The following PRKCQ variants were observed in gnomAD, a reference collection of about 807,000 sequenced individuals.
The protein encoded by PRKCQ is protein kinase C theta type.
PRKCQ carries 41 observed loss-of-function variants against 91.2 expected under a neutral mutation model. The ratio of observed to expected loss-of-function variants is 0.45; its 90% CI spans 0.35 to 0.58. PRKCQ has a LOEUF of 0.58. Among genes scored for constraint, PRKCQ ranks in the 20% least tolerant of loss-of-function variants. The pLI is 0.00. For synonymous variants in PRKCQ, 307 were observed against 316.9 expected (o/e 0.97, Z 0.33); for missense variants, 673 against 896.5 (o/e 0.75, Z 3.18).
At chr10:6,419,851 G>A in the PRKCQ span, among the ~76,000 whole-genome samples, 18 of 151,956 alleles carry the variant, frequency 1.2e-4, no homozygotes, top group African/African-American at 4.4e-4. Flanking sequence ...ACCATGCCTA[G>A]CTAATTTTTG....
At chr10:6,414,892 G>C in the PRKCQ span, among the ~76,000 whole-genome samples, 14 of 151,990 alleles carry the variant, frequency 9.2e-5, no homozygotes, top group African/African-American at 3.4e-4. Flanking sequence ...AGGAGGAGGA[G>C]ACAGAAAATA....
downstream of PRKCQ, among the ~76,000 whole-genome samples, chr10:6,423,672 C>T (rs970322873): frequency 1.3e-5 from 2 of 152,174 alleles, no homozygotes; most frequent in African/African-American, 2.4e-5. Flanking sequence ...GGTGGCAGGA[C>T]GACCCTGTGT....
At chr10:6,546,013 A>G (rs1457606097) in intron 1 of PRKCQ, among the ~76,000 whole-genome samples, 2 of 151,940 alleles carry the variant, frequency 1.3e-5, no homozygotes, top group African/African-American at 4.8e-5. Context: ...CAGGAAAACG[A>G]GAAAAAAAAA....
At chr10:6,438,483 C>A (rs185647326) in intron 16 of PRKCQ, among the ~76,000 whole-genome samples, 95 of 152,344 alleles carry the variant, frequency 6.2e-4, no homozygotes, top group African/African-American at 2.2e-3. Context: ...AAAATTATTT[C>A]TCTAAATGAT....
At chr10:6,412,367 A>C in the PRKCQ span, among the ~76,000 whole-genome samples, 1 of 152,266 alleles carries the variant, frequency 6.6e-6, no homozygotes, top group Non-Finnish European at 1.5e-5. Context: ...GAATTCCAAT[A>C]AAAATATCAA....
chr10:6,473,359 C>T (rs902509809), intron 12 of PRKCQ, among the ~76,000 whole-genome samples: 8 of 152,166 alleles, frequency 5.3e-5, no homozygotes, highest in African/African-American at 1.9e-4. Context: ...TAGATTCTGG[C>T]CTTTTTGATT....
At chr10:6,467,777 TGAGA>T (rs1835766856) in intron 12 of PRKCQ, among the ~76,000 whole-genome samples, 1 of 152,098 alleles carries the variant, frequency 6.6e-6, no homozygotes, top group Non-Finnish European at 1.5e-5. Context: ...TCCATGAAAA[TGAGA>T]GAGTCACCAT....
chr10:6,535,109 C>G (rs1839531821), intron 1 of PRKCQ, among the ~76,000 whole-genome samples: 1 of 152,142 alleles, frequency 6.6e-6, no homozygotes, highest in African/African-American at 2.4e-5. Context: ...AGTAACCTGG[C>G]TCACTTCTGC....
At chr10:6,547,303 C>G (rs1839999800) in intron 1 of PRKCQ, among the ~76,000 whole-genome samples, 4 of 151,986 alleles carry the variant, frequency 2.6e-5, no homozygotes, top group South Asian at 2.1e-4. Context: ...AATGGCCATA[C>G]TGCCCAAGGT....
the PRKCQ span, among the ~76,000 whole-genome samples, chr10:6,398,813 G>C: frequency 1.3e-5 from 2 of 151,924 alleles, no homozygotes; most frequent in Non-Finnish European, 2.9e-5. Context: ...GAGTGCAGTG[G>C]CGCAATTACA....
chr10:6,549,820 A>G (rs1840112520), intron 1 of PRKCQ, among the ~76,000 whole-genome samples: 1 of 151,548 alleles, frequency 6.6e-6, no homozygotes. Flanking sequence ...TAGTAGAGAC[A>G]GCGCTCTCCC....
intron 1 of PRKCQ, among the ~76,000 whole-genome samples, chr10:6,570,767 A>C (rs537445368): frequency 1.3e-4 from 19 of 151,960 alleles, no homozygotes; most frequent in African/African-American, 4.1e-4. Context: ...GTTGGCCAGG[A>C]TGGTCTAAAA....
chr10:6,464,230 G>T, intron 13 of PRKCQ, 83 bp downstream of exon 13: 1 of 1,232,800 alleles, frequency 8.1e-7, no homozygotes, highest in Non-Finnish European at 1.2e-6. Context: ...ATTCAGGCAT[G>T]CCAAGTGGGA....
intron 1 of PRKCQ, among the ~76,000 whole-genome samples, chr10:6,552,460 CTTTTTT>C (rs59752400): frequency 7.3e-6 from 1 of 137,292 alleles, no homozygotes; most frequent in African/African-American, 2.7e-5. Context: ...ACCTGTTAGT[CTTTTTT>C]TTTTTTTTTT....
the PRKCQ span, among the ~76,000 whole-genome samples, chr10:6,404,252 G>GC: frequency 4.9e-5 from 5 of 102,840 alleles, no homozygotes; most frequent in Admixed American, 1.9e-4. Flanking sequence ...AGAGAAGGGG[G>GC]GGGGAGAGAG....
chr10:6,494,533 C>T (rs182393842), intron 7 of PRKCQ, among the ~76,000 whole-genome samples: 1 of 152,302 alleles, frequency 6.6e-6, no homozygotes, highest in African/African-American at 2.4e-5. Flanking sequence ...CTGATTTAAG[C>T]CTGTGAAGAT....
chr10:6,450,497 CCACTGTCAA>C (rs1564306991), intron 15 of PRKCQ, among the ~76,000 whole-genome samples: 5 of 152,122 alleles, frequency 3.3e-5, no homozygotes, highest in Non-Finnish European at 1.5e-5. Context: ...TTTTAACACC[CCACTGTCAA>C]CATTAGACAG....
chr10:6,498,984 C>G (rs1263792573), intron 4 of PRKCQ, among the ~76,000 whole-genome samples: 3 of 152,212 alleles, frequency 2.0e-5, no homozygotes, highest in African/African-American at 4.8e-5. Context: ...CACATGGTTA[C>G]TGACAGCCTC....
At chr10:6,486,775 C>T (rs1836946223) in intron 8 of PRKCQ, among the ~76,000 whole-genome samples, 1 of 152,238 alleles carries the variant, frequency 6.6e-6, no homozygotes, top group Non-Finnish European at 1.5e-5. Context: ...CAGTCTGGGT[C>T]CAAAACATCC....
Sources: allele counts gnomAD v4.1 joint callset (sites outside exome capture counted in the v4.1 genomes callset), GRCh38; gene constraint gnomAD v4.1.1; transcripts MANE v1.5; gene names NCBI Gene and HGNC (gene_info 2026-07-23, HGNC 2026-07-21).